The following PDE1A variants were observed in gnomAD, a reference collection of about 807,000 sequenced individuals.
The protein encoded by PDE1A is phosphodiesterase 1A, also known as dual specificity calcium/calmodulin-dependent 3',5'-cyclic nucleotide phosphodiesterase 1A.
Under a neutral mutation model 61.7 loss-of-function variants are expected in PDE1A, and 35 were observed. That is an observed-to-expected ratio of 0.57 (90% CI 0.43 to 0.75). The LOEUF is 0.75. Among genes scored for constraint, PDE1A ranks in the 30% least tolerant of loss-of-function variants. The probability of loss-of-function intolerance (pLI) is 0.00; values close to 1 mark genes in which losing one functional copy is unlikely to be tolerated. For synonymous variants in PDE1A, 232 were observed against 213.2 expected (o/e 1.09, Z -0.77); for missense variants, 597 against 630.6 (o/e 0.95, Z 0.57).
rs114829837 is a variant in PDE1A at position 182,252,904 on chromosome 2, A to G, written c.167+11397T>C. Among the ~76,000 whole-genome samples, 576 of 152,330 alleles carry G rather than the reference A, an allele frequency of 3.8e-3. 3 individuals carry two copies. Among genetic ancestry groups the G allele is most frequent in the African/African-American group, 0.013 (542 of 41,566 alleles). Reference sequence around the variant, plus strand: ...TGGAGAGTAGACAGAAGAAAAATATATTGGGAAGTAGGCTATATAAATATA... The same window carrying G: ...TGGAGAGTAGACAGAAGAAAAATATGTTGGGAAGTAGGCTATATAAATATA... On this transcript the variant is annotated intron_variant, in intron 2 of 13. Coordinates refer to ENST00000351439, the Ensembl canonical transcript of PDE1A.
At chr2:182,464,914 A>C (rs1559487795) in intron 2 of PDE1A, among the ~76,000 whole-genome samples, 1 of 152,156 alleles carries the variant, frequency 6.6e-6, no homozygotes. Context: ...AAGCAGAACT[A>C]CTGATACATG....
the PDE1A span, among the ~76,000 whole-genome samples, chr2:182,678,163 G>A: frequency 2.0e-5 from 3 of 152,192 alleles, no homozygotes; most frequent in Admixed American, 1.3e-4. Context: ...AGTGGCTCAC[G>A]CCTGTAATCC....
intron 7 of PDE1A, among the ~76,000 whole-genome samples, chr2:182,212,172 T>A (rs568630292): frequency 2.8e-5 from 4 of 141,962 alleles, no homozygotes; most frequent in Non-Finnish European, 6.1e-5. Context: ...TTTGAATTAT[T>A]TACTTTTTAA....
intron 1 of PDE1A, among the ~76,000 whole-genome samples, chr2:182,333,658 C>A (rs966096759): frequency 4.6e-5 from 7 of 152,108 alleles, no homozygotes; most frequent in Admixed American, 1.3e-4. Context: ...CCTAACATCA[C>A]AATTAAAAGA....
At chr2:182,631,542 A>AC in the PDE1A span, among the ~76,000 whole-genome samples, 1 of 152,118 alleles carries the variant, frequency 6.6e-6, no homozygotes, top group Non-Finnish European at 1.5e-5. Context: ...TCACAGGCAT[A>AC]CCCCCCAGAA....
chr2:182,426,120 TA>T (rs1223238040), intron 1 of PDE1A, among the ~76,000 whole-genome samples: 1 of 152,194 alleles, frequency 6.6e-6, no homozygotes, highest in East Asian at 1.9e-4. Context: ...GAGCGAGCTG[TA>T]AAATGTGCAC....
chr2:182,543,466 C>A, the PDE1A span, among the ~76,000 whole-genome samples: 1 of 152,086 alleles, frequency 6.6e-6, no homozygotes, highest in South Asian at 2.1e-4. Flanking sequence ...TTGGGTAGTC[C>A]AACCCAGGGT....
the PDE1A span, among the ~76,000 whole-genome samples, chr2:182,700,614 T>C: frequency 6.8e-6 from 1 of 148,032 alleles, no homozygotes; most frequent in African/African-American, 2.5e-5. Context: ...CCCAGCTACT[T>C]GGGAGGCTGA....
At chr2:182,621,660 G>A in the PDE1A span, among the ~76,000 whole-genome samples, 1 of 151,130 alleles carries the variant, frequency 6.6e-6, no homozygotes, top group Non-Finnish European at 1.5e-5. Flanking sequence ...CATAGTTTTT[G>A]GTTTCCAAAA....
At chr2:182,604,138 A>T in the PDE1A span, among the ~76,000 whole-genome samples, 1 of 152,144 alleles carries the variant, frequency 6.6e-6, no homozygotes, top group South Asian at 2.1e-4. Flanking sequence ...AATTTTAATT[A>T]TATCTGAAAG....
At chr2:182,411,609 A>T (rs1702619849) in intron 1 of PDE1A, among the ~76,000 whole-genome samples, 1 of 152,180 alleles carries the variant, frequency 6.6e-6, no homozygotes, top group South Asian at 2.1e-4. Flanking sequence ...TCGGCCATGT[A>T]TGAGAGTTCC....
the PDE1A span, among the ~76,000 whole-genome samples, chr2:182,694,668 A>G: frequency 1.2e-4 from 18 of 152,218 alleles, no homozygotes; most frequent in Non-Finnish European, 2.4e-4. Flanking sequence ...CTTGACTAAT[A>G]CAGCATGTTC....
the PDE1A span, among the ~76,000 whole-genome samples, chr2:182,571,248 AT>A: frequency 6.6e-6 from 1 of 152,204 alleles, no homozygotes; most frequent in Non-Finnish European, 1.5e-5. Flanking sequence ...TGTTTTTCAT[AT>A]GCTTTCTTTT....
At chr2:182,641,371 T>A in the PDE1A span, among the ~76,000 whole-genome samples, 22 of 152,224 alleles carry the variant, frequency 1.4e-4, no homozygotes, top group Non-Finnish European at 3.1e-4. Context: ...CTAGGCCAAT[T>A]TTTTACCTGT....
chr2:182,661,678 G>A, the PDE1A span, among the ~76,000 whole-genome samples: 10 of 152,080 alleles, frequency 6.6e-5, no homozygotes, highest in African/African-American at 2.2e-4. Context: ...AATCCTACAA[G>A]AAACTATAGA....
At chr2:182,564,381 C>T in the PDE1A span, among the ~76,000 whole-genome samples, 1 of 152,150 alleles carries the variant, frequency 6.6e-6, no homozygotes, top group Non-Finnish European at 1.5e-5. Flanking sequence ...TGAATATTGG[C>T]CCCCACTCTC....
chr2:182,462,049 C>T (rs1220854668), intron 2 of PDE1A, among the ~76,000 whole-genome samples: 3 of 151,930 alleles, frequency 2.0e-5, no homozygotes, highest in East Asian at 1.9e-4. Context: ...AAAGTATTCT[C>T]AGCAAACTAT....
chr2:182,692,388 A>G, the PDE1A span, among the ~76,000 whole-genome samples: 2 of 152,146 alleles, frequency 1.3e-5, no homozygotes, highest in Non-Finnish European at 2.9e-5. Context: ...ATGAAGCTGG[A>G]AACCATCATT....
At chr2:182,543,742 T>C in the PDE1A span, among the ~76,000 whole-genome samples, 1 of 152,168 alleles carries the variant, frequency 6.6e-6, no homozygotes, top group Admixed American at 6.5e-5. Context: ...CAGTCTATAT[T>C]ACACTCCAGA....
Sources: gnomAD v4.1 joint callset for allele counts (sites outside exome capture counted in the v4.1 genomes callset) on GRCh38, gnomAD v4.1.1 for gene constraint, MANE v1.5 for transcripts, NCBI Gene and HGNC (gene_info 2026-07-23, HGNC 2026-07-21) for gene names.